The following PHF24 variants were observed in gnomAD, a reference collection of about 807,000 sequenced individuals.
PHF24 encodes the protein Galpha inhibitory interacting protein.
In PHF24, 25 loss-of-function variants were observed where a neutral mutation model predicts 42.6. The ratio of observed to expected loss-of-function variants is 0.59; its 90% CI spans 0.43 to 0.82. The LOEUF is 0.82. Among genes scored for constraint, PHF24 ranks in the 40% least tolerant of loss-of-function variants. The pLI is 0.00. For synonymous variants in PHF24, 185 were observed against 204.8 expected, an observed-to-expected ratio of 0.90 and a Z score of 0.83; for missense variants, 470 against 538.1, an observed-to-expected ratio of 0.87 and a Z score of 1.25.
chr9:34,777,435 G>A, the PHF24 span, among the ~76,000 whole-genome samples: 1 of 152,160 alleles, frequency 6.6e-6, no homozygotes, highest in Non-Finnish European at 1.5e-5. Context: ...TGGGCTGGGA[G>A]ATCCCTTAGC....
chr9:34,717,091 G>A, the PHF24 span, among the ~76,000 whole-genome samples: 1 of 152,320 alleles, frequency 6.6e-6, no homozygotes, highest in Non-Finnish European at 1.5e-5. Context: ...CCTGGGGAGA[G>A]GGCAGATCAG....
chr9:34,883,272 C>T, the PHF24 span, among the ~76,000 whole-genome samples: 4 of 152,176 alleles, frequency 2.6e-5, no homozygotes, highest in Non-Finnish European at 4.4e-5. Flanking sequence ...TAGAAGAAAA[C>T]CGAGGCAATA....
chr9:34,833,559 C>A, the PHF24 span: 2 of 1,551,476 alleles, frequency 1.3e-6, no homozygotes, highest in Non-Finnish European at 1.7e-6. Context: ...GCAGTTTGTT[C>A]CCTGGACTTC....
At chr9:34,935,481 C>CTATTT in the PHF24 span, among the ~76,000 whole-genome samples, 6 of 151,452 alleles carry the variant, frequency 4.0e-5, no homozygotes, top group African/African-American at 1.5e-4. Context: ...GTAGTCCCAG[C>CTATTT]TATTTGGAAG....
the PHF24 span, chr9:34,833,843 A>T: frequency 7.1e-6 from 11 of 1,551,308 alleles, no homozygotes; most frequent in South Asian, 1.3e-4. Flanking sequence ...CTCTGCTGGG[A>T]TTTCCACGGG....
At chr9:34,921,386 T>TA in the PHF24 span, among the ~76,000 whole-genome samples, 5 of 151,154 alleles carry the variant, frequency 3.3e-5, no homozygotes, top group East Asian at 5.8e-4. Flanking sequence ...GCAAAAAACC[T>TA]AAAAAAAAAG....
At chr9:34,741,833 T>G in the PHF24 span, among the ~76,000 whole-genome samples, 1 of 152,024 alleles carries the variant, frequency 6.6e-6, no homozygotes, top group Non-Finnish European at 1.5e-5. Flanking sequence ...CTAGCCTCTG[T>G]TTTCTAAGCA....
chr9:34,956,144 G>A (rs540452210), upstream of PHF24, among the ~76,000 whole-genome samples: 6 of 152,220 alleles, frequency 3.9e-5, no homozygotes, highest in Non-Finnish European at 5.9e-5. Context: ...ATGGTTCTCT[G>A]TCAATGCTTG....
At chr9:34,756,894 A>T in the PHF24 span, among the ~76,000 whole-genome samples, 1 of 104,888 alleles carries the variant, frequency 9.5e-6, no homozygotes, top group Non-Finnish European at 2.0e-5. Context: ...TTCCTTCATC[A>T]GTGTTTTTCT....
At chr9:34,801,806 A>G in the PHF24 span, among the ~76,000 whole-genome samples, 1 of 151,836 alleles carries the variant, frequency 6.6e-6, no homozygotes, top group African/African-American at 2.4e-5. Context: ...AACTAACACC[A>G]GAACAGAAAA....
exon 8 of PHF24, chr9:34,978,944 G>A (rs1311596626): frequency 6.6e-6 from 1 of 152,164 alleles, no homozygotes; most frequent in Non-Finnish European, 1.5e-5. Context: ...TTTTCAGATG[G>A]TAGCTCATGG....
chr9:34,753,841 C>T, the PHF24 span, among the ~76,000 whole-genome samples: 2 of 152,098 alleles, frequency 1.3e-5, no homozygotes, highest in Non-Finnish European at 2.9e-5. Context: ...CATGCATCTA[C>T]AGCGAACTCA....
chr9:34,702,149 A>G, the PHF24 span, among the ~76,000 whole-genome samples: 4 of 152,184 alleles, frequency 2.6e-5, no homozygotes, highest in Admixed American at 2.6e-4. Context: ...GACACAGGGA[A>G]ACGCGCAACC....
chr9:34,751,729 A>G, the PHF24 span, among the ~76,000 whole-genome samples: 41 of 152,336 alleles, frequency 2.7e-4, no homozygotes, highest in African/African-American at 9.9e-4. Context: ...AGAACATTTT[A>G]CCCACTGGCT....
chr9:34,874,052 T>TGAGA, the PHF24 span, among the ~76,000 whole-genome samples: 2 of 152,104 alleles, frequency 1.3e-5, no homozygotes, highest in African/African-American at 4.8e-5. Flanking sequence ...TTTTGTATCC[T>TGAGA]GAGACTTTGC....
chr9:34,689,667 C>G, the PHF24 span: 1 of 836,090 alleles, frequency 1.2e-6, no homozygotes, highest in Non-Finnish European at 2.0e-6. This position sits in a 1 kb window ranked among gnomAD's most constrained non-coding sequence, Gnocchi z 4.1. Flanking sequence ...CACACTCACA[C>G]TCACACACAC....
chr9:34,938,517 T>G, the PHF24 span, among the ~76,000 whole-genome samples: 22,012 of 152,198 alleles, frequency 0.14, 1,639 homozygotes, highest in African/African-American at 0.15. Context: ...CATGGTTATA[T>G]CGCCAGGATT....
At chr9:34,823,867 C>G in the PHF24 span, among the ~76,000 whole-genome samples, 2 of 152,170 alleles carry the variant, frequency 1.3e-5, no homozygotes, top group South Asian at 4.1e-4. Flanking sequence ...ATCTAACACT[C>G]TATCACCAGA....
chr9:34,852,150 T>C, the PHF24 span, among the ~76,000 whole-genome samples: 1 of 152,248 alleles, frequency 6.6e-6, no homozygotes, highest in Non-Finnish European at 1.5e-5. Context: ...TAATGAATAG[T>C]AAATGTATTT....
Sources: gnomAD v4.1 joint callset for allele counts (sites outside exome capture counted in the v4.1 genomes callset) on GRCh38, gnomAD v4.1.1 for gene constraint, Gnocchi (gnomAD v3.1) non-coding constraint, MANE v1.5 for transcripts, NCBI Gene and HGNC (gene_info 2026-07-23, HGNC 2026-07-21) for gene names.